PCNX2: variants seen among roughly 807,000 people sequenced by gnomAD.
PCNX2 encodes the protein pecanex-like protein 2.
In PCNX2, 168 loss-of-function variants were observed where a neutral mutation model predicts 223.8. That is an observed-to-expected ratio of 0.75 (90% CI 0.66 to 0.85). PCNX2 has a LOEUF of 0.85. Ranked by LOEUF, PCNX2 falls within the 40% of genes least tolerant of loss-of-function variation. The pLI, the probability that PCNX2 is intolerant of heterozygous loss-of-function variation, is 0.00. For missense variants in PCNX2, 2,507 were observed against 2,675.5 expected (o/e 0.94, Z 1.39); for synonymous variants, 1,006 against 1,052.6 (o/e 0.96, Z 0.86).
Position 233,001,813 on chromosome 1 carries a change from G to T in PCNX2, c.4953-132C>A. On this transcript the variant is annotated intron_variant, in intron 28 of 33. Transcript: ENST00000258229. This position sits in a 1 kb window ranked among gnomAD's most constrained non-coding sequence, Gnocchi z 4.2. The stretch of plus-strand genomic sequence containing the variant: ...ATATAGCAAGAAAATGAAGATAACA[G>T]GACTCATCCCAGTGCACCTAGTGCC... 1.1e-6 allele frequency: 1 copy of T among 928,014 alleles called. No homozygotes were observed. Among genetic ancestry groups the T allele is most frequent in the Non-Finnish European group, 1.5e-6 (1 of 679,264 alleles). 57.5% of individuals were successfully genotyped at this position (928,014 alleles called of 1,614,324 possible).
chr1:232,994,661 C>G (rs1669814691), intron 32 of PCNX2, among the ~76,000 whole-genome samples: 1 of 152,046 alleles, frequency 6.6e-6, no homozygotes, highest in Non-Finnish European at 1.5e-5. Context: ...AGCTCTGTAT[C>G]CCCACCCAAA....
At chr1:233,319,320 C>T in the PCNX2 span, among the ~76,000 whole-genome samples, 1 of 152,198 alleles carries the variant, frequency 6.6e-6, no homozygotes, top group African/African-American at 2.4e-5. Context: ...CCTCTTCTTC[C>T]TCTCTAGGGT....
intron 17 of PCNX2, among the ~76,000 whole-genome samples, chr1:233,169,462 C>G (rs1448320388): frequency 2.0e-5 from 3 of 151,424 alleles, no homozygotes; most frequent in Admixed American, 2.0e-4. Context: ...CTGGCTAACA[C>G]GGTGAAACCC....
upstream of PCNX2, among the ~76,000 whole-genome samples, chr1:233,297,349 G>A (rs1662179790): frequency 6.6e-6 from 1 of 152,178 alleles, no homozygotes; most frequent in Admixed American, 6.5e-5. Flanking sequence ...CTACCATGAA[G>A]GAGTTAATAA....
intron 19 of PCNX2, among the ~76,000 whole-genome samples, chr1:233,157,433 A>C (rs115473547): frequency 0.01 from 1,571 of 152,320 alleles, 27 homozygotes; most frequent in African/African-American, 0.035. Flanking sequence ...CCAGTTGATT[A>C]GAAATGTCTG....
At chr1:233,121,112 C>A (rs1180310897) in intron 21 of PCNX2, among the ~76,000 whole-genome samples, 1 of 150,700 alleles carries the variant, frequency 6.6e-6, no homozygotes, top group Non-Finnish European at 1.5e-5. Context: ...ATGTGTGTAT[C>A]AATATAATAA....
chr1:233,108,882 C>T (rs1161592599), intron 21 of PCNX2, among the ~76,000 whole-genome samples: 3 of 152,058 alleles, frequency 2.0e-5, no homozygotes, highest in Non-Finnish European at 4.4e-5. Context: ...GAATGTCCTC[C>T]GTGTCCCACC....
rs576551131 is a variant in PCNX2, at chr1:233,190,405, G to A, written c.3066+8534C>T. ...TCATTCAATTCACAGCATTTAATAG[G>A]TGCTGCATCTTCAAGTGGAGAGTCA... On this transcript the variant is annotated intron_variant, in intron 15 of 33. Coordinates refer to ENST00000258229, the MANE Select transcript of PCNX2 (RefSeq NM_014801.4). Among the ~76,000 whole-genome samples, 7 of 152,260 alleles carry A rather than the reference G, an allele frequency of 4.6e-5. No individual in the cohort carries two copies. The South Asian group carries it at 1.2e-3, about 27-fold the overall frequency.
chr1:233,128,561 C>T (rs1676237406), intron 21 of PCNX2, among the ~76,000 whole-genome samples: 1 of 152,160 alleles, frequency 6.6e-6, no homozygotes, highest in Non-Finnish European at 1.5e-5. Flanking sequence ...TCTCAAACTC[C>T]TGACCTCAGG....
intron 1 of PCNX2, among the ~76,000 whole-genome samples, chr1:233,283,461 C>T (rs547196931): frequency 1.7e-4 from 26 of 152,210 alleles, no homozygotes; most frequent in African/African-American, 5.8e-4. Flanking sequence ...AGGGAAAGTA[C>T]GAGCTAAGCC....
chr1:233,273,331 G>C (rs1660743319), intron 1 of PCNX2, among the ~76,000 whole-genome samples: 1 of 151,970 alleles, frequency 6.6e-6, no homozygotes, highest in African/African-American at 2.4e-5. Context: ...TGTGAGCCAT[G>C]GAAGGAGCAG....
At chr1:233,089,229 C>G (rs969590583) in intron 23 of PCNX2, among the ~76,000 whole-genome samples, 21 of 152,044 alleles carry the variant, frequency 1.4e-4, no homozygotes, top group African/African-American at 4.8e-4. Flanking sequence ...ATAAATAGCA[C>G]AAGTATGGCT....
At chr1:232,986,038 G>C in intron 33 of PCNX2, 54 bp downstream of exon 33, 1 of 1,539,774 alleles carries the variant, frequency 6.5e-7, no homozygotes, top group Non-Finnish European at 8.8e-7. Flanking sequence ...GCTCAGGCCA[G>C]GAGCCCGTGC....
At chr1:233,279,401 G>GTGTT (rs1661075097) in intron 1 of PCNX2, among the ~76,000 whole-genome samples, 1 of 151,470 alleles carries the variant, frequency 6.6e-6, no homozygotes, top group Non-Finnish European at 1.5e-5. Flanking sequence ...GTGTGTGTGT[G>GTGTT]TGTGTGTGTG....
At chr1:233,129,963 C>T (rs57499406) in intron 21 of PCNX2, among the ~76,000 whole-genome samples, 5,553 of 152,246 alleles carry the variant, frequency 0.036, 120 homozygotes, top group African/African-American at 0.072. Flanking sequence ...GCTCACTGTT[C>T]GGGTCCACAC....
At chr1:232,996,001 GCAC>G (rs1267713415) in intron 32 of PCNX2, among the ~76,000 whole-genome samples, 1 of 152,104 alleles carries the variant, frequency 6.6e-6, no homozygotes, top group Non-Finnish European at 1.5e-5. Flanking sequence ...GGGATTACAA[GCAC>G]CCACCACCAC....
intron 17 of PCNX2, among the ~76,000 whole-genome samples, chr1:233,177,170 C>T (rs543707474): frequency 1.7e-3 from 252 of 152,256 alleles, no homozygotes; most frequent in African/African-American, 5.8e-3. Flanking sequence ...ATCTGCTAGC[C>T]GTGATAAAGA....
At chr1:233,228,999 G>GGAGGTGACATTGGCTTTTAT (rs1657903667) in intron 9 of PCNX2, among the ~76,000 whole-genome samples, 1 of 152,326 alleles carries the variant, frequency 6.6e-6, no homozygotes, top group Admixed American at 6.5e-5. Flanking sequence ...GAGCAGCGGT[G>GGAGGTGACATTGGCTTTTAT]GAGGTGACAT....
At position 233,252,733 on chromosome 1, in the gene PCNX2, T is replaced by C. The variant is rs1420285404; in HGVS notation, c.1890A>G (p.Gly630=). 2.5e-6 allele frequency: 4 copies of C among 1,613,532 alleles called. No homozygotes were observed. The African/African-American group carries it at 4.0e-5, about 16-fold the overall frequency. The change falls in exon 6 of 34, where the codon GGA becomes GGG. Residue 630 remains glycine (G), a synonymous_variant. Transcript: ENST00000258229. ...EEILENEKPS[G]HSSKQGKPDL... is the part of the protein sequence containing the mutation. ...CTGGTTTTCCTTGCTTAGAACTGTG[T>C]CCACTGGGCTTTTCATTTTCCAGGA...
Sources: gnomAD v4.1 joint callset for allele counts (sites outside exome capture counted in the v4.1 genomes callset) on GRCh38, gnomAD v4.1.1 for gene constraint, Gnocchi (gnomAD v3.1) non-coding constraint, MANE v1.5 for transcripts, NCBI Gene and HGNC (gene_info 2026-07-23, HGNC 2026-07-21) for gene names.